FAM86B1: variants seen among roughly 807,000 people sequenced by gnomAD.
FAM86B1 encodes the protein family with sequence similarity 86 member B1 (gene/pseudogene).
For synonymous variants in FAM86B1, 4 were observed against 137.6 expected (o/e 0.03, Z 6.79); for missense variants, 13 against 328.1 (o/e 0.04, Z 7.42).
At chr8:12,192,806 C>T (rs1373498780) in intron 1 of FAM86B1, among the ~76,000 whole-genome samples, 11 of 150,328 alleles carry the variant, frequency 7.3e-5, no homozygotes, top group East Asian at 3.8e-4. Context: ...TAGCTAACAC[C>T]GACATGCATT....
intron 6 of FAM86B1, among the ~76,000 whole-genome samples, chr8:12,184,130 T>C (rs1318121628): frequency 1.7e-5 from 1 of 59,068 alleles, no homozygotes; most frequent in Non-Finnish European, 2.9e-5. Context: ...CACTGTTTTT[T>C]TCACTTAAAA....
At chr8:12,184,931 TTTC>T (rs1805505715) in intron 6 of FAM86B1, among the ~76,000 whole-genome samples, 1 of 108,484 alleles carries the variant, frequency 9.2e-6, no homozygotes, top group South Asian at 3.3e-4. Context: ...ACGGGGCCAG[TTTC>T]CCTTCTCTAT....
At chr8:12,194,556 G>A (rs1807514313), upstream of FAM86B1, 1 of 146,312 alleles carries the variant, frequency 6.8e-6, no homozygotes, top group African/African-American at 3.6e-5. Context: ...GGCGGGGCAG[G>A]GGCGGGGCGT....
chr8:12,191,143 G>T (rs1806804406), intron 2 of FAM86B1, among the ~76,000 whole-genome samples: 1 of 115,186 alleles, frequency 8.7e-6, no homozygotes. Context: ...GGGCGTGGAG[G>T]ATGTCTGCCT....
chr8:12,192,823 G>A (rs1435187971), intron 1 of FAM86B1, among the ~76,000 whole-genome samples: 76 of 150,452 alleles, frequency 5.1e-4, no homozygotes, highest in African/African-American at 1.8e-3. Context: ...CATTTACCAT[G>A]AGCCAGGCAC....
intron 3 of FAM86B1, among the ~76,000 whole-genome samples, chr8:12,189,253 A>T (rs192780761): frequency 5.5e-4 from 65 of 118,228 alleles, no homozygotes; most frequent in South Asian, 3.2e-3. Flanking sequence ...TCTCAAAAAA[A>T]ATATATAAAT....
intron 1 of FAM86B1, among the ~76,000 whole-genome samples, chr8:12,193,082 C>G (rs1198599275): frequency 7.0e-6 from 1 of 143,832 alleles, no homozygotes; most frequent in East Asian, 1.9e-4. Context: ...TAGTACCCAC[C>G]TGGTGGGTGT....
In FAM86B1 at chr8:12,182,406, T is replaced by A; in HGVS notation, c.*1200A>T. On this transcript the variant is annotated 3_prime_UTR_variant, in exon 7 of 7. Transcript: ENST00000448228. Reference sequence around the variant, plus strand: ...TGTCAAGTTGGAAGTGGAGCGCTGCTGGGTTGTGAAGGGTCTCAAGTCCAA... The same window carrying A: ...TGTCAAGTTGGAAGTGGAGCGCTGCAGGGTTGTGAAGGGTCTCAAGTCCAA... 1 of 748,702 alleles carries A rather than the reference T, an allele frequency of 1.3e-6. No homozygotes were observed. The highest frequency in any genetic ancestry group is 2.8e-5 in the Admixed American group (1 of 36,236). The allele number at this position is 748,702 out of a possible 1,614,324, so 46.4% of individuals were successfully genotyped here.
intron 3 of FAM86B1, among the ~76,000 whole-genome samples, chr8:12,189,204 G>C (rs1320058844): frequency 6.8e-6 from 1 of 147,226 alleles, no homozygotes; most frequent in African/African-American, 2.7e-5. Flanking sequence ...CCGAGATTGT[G>C]CCACAGTAAT....
chr8:12,186,086 G>A lies in FAM86B1; in HGVS notation c.640+266C>T. ...TGTTTTCCTCCTGCGGTCTCTGAAG[G>A]ACACAGGGCATGGCTCTGGGACAGA... On this transcript the variant is annotated intron_variant, in intron 5 of 6. Coordinates refer to ENST00000448228, the MANE Select transcript of FAM86B1 (RefSeq NM_001083537.4). 4 of 312,744 alleles carry A rather than the reference G, an allele frequency of 1.3e-5. No individual in the cohort carries two copies. In the African/African-American group the frequency reaches 2.4e-4, roughly 19 times the overall value. 19.4% of individuals were successfully genotyped at this position (312,744 alleles called of 1,614,324 possible).
intron 3 of FAM86B1, among the ~76,000 whole-genome samples, chr8:12,187,137 T>G (rs1198376910): frequency 9.7e-5 from 2 of 20,596 alleles, no homozygotes; most frequent in East Asian, 8.5e-3. Flanking sequence ...TATGAAGAGG[T>G]GGCTGCCTTG....
intron 1 of FAM86B1, among the ~76,000 whole-genome samples, chr8:12,193,260 A>T (rs1464040183): frequency 1.4e-5 from 2 of 146,036 alleles, no homozygotes; most frequent in Admixed American, 6.6e-5. Flanking sequence ...ATGTCAATGG[A>T]ATAACACAAA....
rs1364546164 is a variant in FAM86B1, at chr8:12,184,132, C to A, written c.791-426G>T. Among the ~76,000 whole-genome samples the A allele has an allele frequency of 1.2e-4, 6 of 48,526 alleles. 1 individual carries two copies. Among genetic ancestry groups the A allele is most frequent in the Admixed American group, 4.8e-4 (2 of 4,126 alleles). 31.8% of individuals were successfully genotyped at this position (48,526 alleles called of 152,430 possible). ...GTGTGCTGCTTGGCACTGTTTTTTT[C>A]ACTTAAAAGATATTGCAGGTTTTTT... is the stretch of plus-strand genomic sequence containing the variant. On this transcript the variant is annotated intron_variant, in intron 6 of 6. Transcript: ENST00000448228.
intron 2 of FAM86B1, among the ~76,000 whole-genome samples, chr8:12,190,835 C>G (rs1198093129): frequency 4.4e-3 from 467 of 105,546 alleles, no homozygotes; most frequent in African/African-American, 0.02. Flanking sequence ...GATCCGTCCA[C>G]CTCAGCCTCC....
At chr8:12,190,947 G>A (rs1287830677) in intron 2 of FAM86B1, among the ~76,000 whole-genome samples, 5 of 133,904 alleles carry the variant, frequency 3.7e-5, no homozygotes, top group African/African-American at 1.5e-4. Context: ...ATGAGAGTGA[G>A]GCTCAGGGTG....
chr8:12,186,181 T>C, intron 5 of FAM86B1, 171 bp downstream of exon 5: 2 of 517,752 alleles, frequency 3.9e-6, no homozygotes, highest in Non-Finnish European at 5.7e-6. Context: ...GAAGGTCACC[T>C]TAAGAGGCAC....
In FAM86B1 at chr8:12,184,061, ACT is replaced by A. The variant is rs1260904961; in HGVS notation, c.791-357_791-356del. ...TTAGAAAGTGGCCGGGCACAGCCAG[ACT>A]CTGTCTCAAAAAAAAAAAAAAGGTT... On this transcript the variant is annotated intron_variant, in intron 6 of 6. Transcript: ENST00000448228. 5.4e-4 allele frequency among the ~76,000 whole-genome samples: 32 copies of A among 58,954 alleles called. 1 individual carries two copies. Among genetic ancestry groups the A allele is most frequent in the Admixed American group, 7.7e-4 (4 of 5,168 alleles). The allele number at this position is 58,954 out of a possible 152,430, so 38.7% of individuals were successfully genotyped here.
At chr8:12,191,074 T>G (rs1328447779) in intron 2 of FAM86B1, among the ~76,000 whole-genome samples, 2 of 147,612 alleles carry the variant, frequency 1.4e-5, no homozygotes, top group Non-Finnish European at 3.0e-5. Flanking sequence ...GTGGATAATC[T>G]TGGTTCATCT....
intron 1 of FAM86B1, among the ~76,000 whole-genome samples, chr8:12,192,887 CATT>C (rs1487346158): frequency 4.0e-5 from 6 of 149,856 alleles, no homozygotes; most frequent in Non-Finnish European, 7.4e-5. Context: ...AGGTAGGTAT[CATT>C]ATATCCCCCA....
Sources: gnomAD v4.1 joint callset for allele counts (sites outside exome capture counted in the v4.1 genomes callset) on GRCh38, gnomAD v4.1.1 for gene constraint, MANE v1.5 for transcripts, NCBI Gene and HGNC (gene_info 2026-07-23, HGNC 2026-07-21) for gene names.